The following PTGFRN variants were observed in gnomAD, a reference collection of about 807,000 sequenced individuals.
The protein encoded by PTGFRN is prostaglandin F2 receptor negative regulator.
PTGFRN carries 35 observed loss-of-function variants against 83.2 expected under a neutral mutation model. The ratio of observed to expected loss-of-function variants is 0.42; its 90% CI spans 0.32 to 0.56. The LOEUF is 0.56. Among genes scored for constraint, PTGFRN ranks in the 20% least tolerant of loss-of-function variants. The pLI, the probability that PTGFRN is intolerant of heterozygous loss-of-function variation, is 0.11. For missense variants in PTGFRN, 1,051 were observed against 1,179.5 expected (o/e 0.89, Z 1.60); for synonymous variants, 519 against 498.6 (o/e 1.04, Z -0.55).
intron 1 of PTGFRN, among the ~76,000 whole-genome samples, chr1:116,912,822 A>G (rs1213327598): frequency 6.6e-6 from 1 of 152,186 alleles, no homozygotes. Context: ...TATGTAGACT[A>G]TATTAAACCT....
In PTGFRN at chr1:116,958,893, T is replaced by C. The variant is rs1480796931; in HGVS notation, c.1214-2350T>C. Among the ~76,000 whole-genome samples the C allele has an allele frequency of 6.6e-6, 1 of 152,178 alleles. No homozygotes were observed. The highest frequency in any genetic ancestry group is 1.9e-4 in the East Asian group (1 of 5,190). ...TGCCACACAGGAAGGGTCTTATGTGTTGTGCTTGAAATGGACTTGAGGCTC... is the reference window on the plus strand; with the variant it reads ...TGCCACACAGGAAGGGTCTTATGTGCTGTGCTTGAAATGGACTTGAGGCTC... On this transcript the variant is annotated intron_variant, in intron 4 of 8. Transcript: ENST00000393203. This position sits in a 1 kb window ranked among gnomAD's most constrained non-coding sequence, Gnocchi z 4.9.
intron 8 of PTGFRN, 91 bp from the exon 9 acceptor site, chr1:116,986,710 C>A (rs1398726994): frequency 1.5e-6 from 2 of 1,299,582 alleles, no homozygotes; most frequent in South Asian, 1.3e-5. Context: ...CTCGGGAGAT[C>A]CTGCTCCAGT....
chr1:116,920,518 C>T (rs2250745), intron 1 of PTGFRN, among the ~76,000 whole-genome samples: 22,083 of 152,204 alleles, frequency 0.15, 3,126 homozygotes, highest in African/African-American at 0.36. Context: ...GCCCTTTTCC[C>T]AGTATGCCCC....
chr1:116,912,579 T>C (rs755157541), intron 1 of PTGFRN, among the ~76,000 whole-genome samples: 2 of 152,210 alleles, frequency 1.3e-5, no homozygotes, highest in African/African-American at 2.4e-5. Flanking sequence ...GGCTACTGTC[T>C]TAGCCCAGGT....
chr1:116,945,338 C>T (rs1412236914), intron 3 of PTGFRN, among the ~76,000 whole-genome samples: 2 of 152,164 alleles, frequency 1.3e-5, no homozygotes, highest in Non-Finnish European at 2.9e-5. Context: ...AATTCATGTC[C>T]ATGGAAAGCC....
rs1649594156 is a variant in PTGFRN at position 116,923,931 on chromosome 1, T to C, written c.49+13679T>C. 6.6e-6 allele frequency among the ~76,000 whole-genome samples: 1 copy of C among 152,094 alleles called. No homozygotes were observed. Among genetic ancestry groups the C allele is most frequent in the Non-Finnish European group, 1.5e-5 (1 of 68,012 alleles). ...TGACTCCTCCAGCAACCAGTCTAAA[T>C]GTGGAGGATGACACACACACAGGAA... On this transcript the variant is annotated intron_variant, in intron 1 of 8. Transcript: ENST00000393203. This position sits in a 1 kb window ranked among gnomAD's most constrained non-coding sequence, Gnocchi z 4.0.
In PTGFRN at chr1:116,910,068, TCGCGAGGAGAGCGGAGCAGGCG is replaced by T. The variant is rs972079625; in HGVS notation, c.-131_-110del. ...CGCCCCAGCGCTGGGATTTATCGGC[TCGCGAGGAGAGCGGAGCAGGCG>T]CGCGGCCCAGGCGGAGGAGCGCCGA... On this transcript the variant is annotated 5_prime_UTR_variant, in exon 1 of 9. Transcript: ENST00000393203. The T allele has an allele frequency of 3.1e-6, 3 of 969,582 alleles. No homozygotes were observed. The African/African-American group carries it at 5.1e-5, about 16-fold the overall frequency. The allele number at this position is 969,582 out of a possible 1,614,324, so 60.1% of individuals were successfully genotyped here.
intron 1 of PTGFRN, among the ~76,000 whole-genome samples, chr1:116,936,522 C>T (rs1171044450): frequency 6.6e-6 from 1 of 152,094 alleles, no homozygotes; most frequent in Non-Finnish European, 1.5e-5. Flanking sequence ...CCTAAGTGAT[C>T]CTAGGGGAGT....
intron 7 of PTGFRN, among the ~76,000 whole-genome samples, chr1:116,978,615 C>A (rs1374933147): frequency 6.6e-6 from 1 of 152,132 alleles, no homozygotes; most frequent in East Asian, 1.9e-4. Flanking sequence ...GAACCAAAGA[C>A]AAAAACCACA....
chr1:116,935,486 G>T (rs890622757), intron 1 of PTGFRN, among the ~76,000 whole-genome samples: 1 of 151,922 alleles, frequency 6.6e-6, no homozygotes, highest in African/African-American at 2.4e-5. Flanking sequence ...GGGAGTGAGG[G>T]TGGGGGCAGG....
intron 8 of PTGFRN, 67 bp downstream of exon 8, chr1:116,985,052 CAG>C: frequency 1.3e-6 from 2 of 1,524,726 alleles, no homozygotes; most frequent in Non-Finnish European, 1.8e-6. Context: ...CTGTAGCTGA[CAG>C]AACCCAGGTG....
At chr1:116,929,853 C>T (rs1372023645) in intron 1 of PTGFRN, among the ~76,000 whole-genome samples, 1 of 152,176 alleles carries the variant, frequency 6.6e-6, no homozygotes, top group Admixed American at 6.5e-5. Context: ...CTGCTTGCTG[C>T]TTCAGTGCCT....
chr1:116,910,192 C>T lies in PTGFRN; in HGVS notation c.-12C>T, dbSNP rs1570638548. 2.0e-6 allele frequency: 3 copies of T among 1,487,634 alleles called. No individual in the cohort carries two copies. Among genetic ancestry groups the T allele is most frequent in the Non-Finnish European group, 8.9e-7 (1 of 1,124,914 alleles). 92.2% of individuals were successfully genotyped at this position (1,487,634 alleles called of 1,614,324 possible). A position where few individuals can be genotyped will look rare whatever the true frequency, so the allele number is the denominator to read the frequency against. The stretch of plus-strand genomic sequence containing the variant: ...GGAGGAGGAGGGGGAGAGTCGCTCC[C>T]GCCGGGCGAGCATGGGGCGCCTGGC... On this transcript the variant is annotated 5_prime_UTR_variant, in exon 1 of 9. Transcript: ENST00000393203.
chr1:116,959,751 A>T (rs1650595465), intron 4 of PTGFRN, among the ~76,000 whole-genome samples: 1 of 152,106 alleles, frequency 6.6e-6, no homozygotes, highest in Non-Finnish European at 1.5e-5. Flanking sequence ...AGGTGGGCAG[A>T]TCACTTGAGG....
intron 7 of PTGFRN, among the ~76,000 whole-genome samples, chr1:116,975,282 G>A (rs1440659927): frequency 5.9e-5 from 9 of 152,238 alleles, no homozygotes. Flanking sequence ...TGCCTCTGTA[G>A]ACTCCAACTC....
At chr1:116,951,942 TAGAC>T (rs374700836) in intron 4 of PTGFRN, among the ~76,000 whole-genome samples, 602 of 152,220 alleles carry the variant, frequency 4.0e-3, no homozygotes, top group Non-Finnish European at 6.8e-3. Context: ...CCAAAAAAGA[TAGAC>T]AGACAACCTG....
At chr1:116,949,686 A>G (rs761660138) in intron 4 of PTGFRN, 114 bp downstream of exon 4, 142 of 1,401,316 alleles carry the variant, frequency 1.0e-4, no homozygotes, top group East Asian at 8.0e-4. Flanking sequence ...CATTATTTCT[A>G]TTGGTTCATG....
At chr1:116,926,758 G>T (rs758805283) in intron 1 of PTGFRN, among the ~76,000 whole-genome samples, 1 of 152,160 alleles carries the variant, frequency 6.6e-6, no homozygotes, top group Non-Finnish European at 1.5e-5. Flanking sequence ...GGTTTACTGT[G>T]TTAGGATTCC....
intron 1 of PTGFRN, among the ~76,000 whole-genome samples, chr1:116,934,336 AG>A (rs1249766845): frequency 6.6e-6 from 1 of 151,846 alleles, no homozygotes; most frequent in Non-Finnish European, 1.5e-5. Context: ...TGTTAGAGAC[AG>A]GGTCTCACTA....
Sources: gnomAD v4.1 joint callset for allele counts (sites outside exome capture counted in the v4.1 genomes callset) on GRCh38, gnomAD v4.1.1 for gene constraint, Gnocchi (gnomAD v3.1) non-coding constraint, MANE v1.5 for transcripts, NCBI Gene and HGNC (gene_info 2026-07-23, HGNC 2026-07-21) for gene names.